Variants in LRRC4C observed in about 807,000 individuals in gnomAD.
LRRC4C encodes leucine-rich repeat-containing protein 4C.
In LRRC4C, 5 loss-of-function variants were observed where a neutral mutation model predicts 33.6. The ratio of observed to expected loss-of-function variants is 0.15; its 90% CI spans 0.08 to 0.31. The LOEUF (loss-of-function observed/expected upper bound fraction) is 0.31. LRRC4C is among the 10% of genes least tolerant of loss of function. The probability of loss-of-function intolerance (pLI) is 1.00; values close to 1 mark genes in which losing one functional copy is unlikely to be tolerated. For synonymous variants in LRRC4C, 329 were observed against 302.0 expected (o/e 1.09, Z -0.93); for missense variants, 560 against 796.7 (o/e 0.70, Z 3.58).
chr11:41,156,956 T>C (rs1366392106), intron 1 of LRRC4C, among the ~76,000 whole-genome samples: 1 of 152,082 alleles, frequency 6.6e-6, no homozygotes, highest in Non-Finnish European at 1.5e-5. Flanking sequence ...ACTTCATGAA[T>C]GGATTAATGC....
chr11:41,456,521 C>G (rs1216492997), intron 1 of LRRC4C, among the ~76,000 whole-genome samples: 1 of 152,124 alleles, frequency 6.6e-6, no homozygotes, highest in Non-Finnish European at 1.5e-5. Context: ...CCTTGTCTGA[C>G]TTTAGCAGAG....
chr11:41,282,012 G>A (rs1949692195), intron 1 of LRRC4C, among the ~76,000 whole-genome samples: 1 of 152,268 alleles, frequency 6.6e-6, no homozygotes, highest in Non-Finnish European at 1.5e-5. Context: ...TGGTGGATGT[G>A]TGATGTGTGG....
chr11:40,410,025 A>C (rs566388821), intron 3 of LRRC4C, among the ~76,000 whole-genome samples: 2 of 152,242 alleles, frequency 1.3e-5, no homozygotes, highest in South Asian at 4.1e-4. Flanking sequence ...TAGTGTCTAC[A>C]AATAAAGTTT....
At chr11:41,153,661 T>C (rs1944099752) in intron 1 of LRRC4C, among the ~76,000 whole-genome samples, 1 of 152,192 alleles carries the variant, frequency 6.6e-6, no homozygotes. Flanking sequence ...CTATTTTTCT[T>C]ATGAATATCC....
intron 2 of LRRC4C, among the ~76,000 whole-genome samples, chr11:40,901,980 A>ATC (rs140194267): frequency 4.1e-4 from 50 of 122,560 alleles, no homozygotes; most frequent in Middle Eastern, 8.5e-3. Flanking sequence ...AGAAAAGACA[A>ATC]TCTCTCTCTC....
intron 4 of LRRC4C, among the ~76,000 whole-genome samples, chr11:40,245,480 A>G (rs988489935): frequency 1.3e-5 from 2 of 152,214 alleles, no homozygotes; most frequent in African/African-American, 2.4e-5. Flanking sequence ...CAGAATCTGT[A>G]CTAGTCAATG....
At chr11:40,876,657 C>A (rs959581535) in intron 2 of LRRC4C, among the ~76,000 whole-genome samples, 1 of 151,974 alleles carries the variant, frequency 6.6e-6, no homozygotes, top group Non-Finnish European at 1.5e-5. Flanking sequence ...GTAATCCCAG[C>A]ACTTTGGGAG....
chr11:41,178,650 C>T (rs1187096092), intron 1 of LRRC4C, among the ~76,000 whole-genome samples: 1 of 152,146 alleles, frequency 6.6e-6, no homozygotes, highest in Non-Finnish European at 1.5e-5. Flanking sequence ...AACCACGTTG[C>T]CTAGCCCCAG....
chr11:40,577,565 G>A (rs181281673), intron 3 of LRRC4C, among the ~76,000 whole-genome samples: 26 of 152,270 alleles, frequency 1.7e-4, no homozygotes, highest in African/African-American at 6.0e-4. Context: ...TTGCCTCTCA[G>A]AAGAGATTTG....
intron 3 of LRRC4C, among the ~76,000 whole-genome samples, chr11:40,539,074 C>A (rs917332433): frequency 6.6e-6 from 1 of 152,148 alleles, no homozygotes; most frequent in East Asian, 1.9e-4. Context: ...ATTTCATCCT[C>A]TGCCCAACAG....
At chr11:41,004,903 G>A (rs940125978) in intron 1 of LRRC4C, among the ~76,000 whole-genome samples, 3 of 152,082 alleles carry the variant, frequency 2.0e-5, no homozygotes, top group African/African-American at 4.8e-5. Context: ...AACTATCATG[G>A]ATGCTAAAAG....
chr11:40,475,684 T>C (rs1265863254), intron 3 of LRRC4C, among the ~76,000 whole-genome samples: 2 of 152,154 alleles, frequency 1.3e-5, no homozygotes, highest in African/African-American at 2.4e-5. Context: ...GGGGGAGCAT[T>C]AGAGTCCTGT....
intron 1 of LRRC4C, among the ~76,000 whole-genome samples, chr11:41,405,055 T>C (rs1442240709): frequency 6.6e-6 from 1 of 152,150 alleles, no homozygotes; most frequent in African/African-American, 2.4e-5. Flanking sequence ...TTTGCTTTAT[T>C]GTTACCTAAA....
intron 1 of LRRC4C, among the ~76,000 whole-genome samples, chr11:41,077,405 G>T (rs1484757053): frequency 1.3e-5 from 2 of 152,172 alleles, no homozygotes; most frequent in Admixed American, 6.5e-5. Flanking sequence ...CTAGGTGGAG[G>T]TTCCCAAACC....
chr11:40,774,919 A>G (rs1305483926), intron 2 of LRRC4C, among the ~76,000 whole-genome samples: 2 of 152,074 alleles, frequency 1.3e-5, no homozygotes, highest in African/African-American at 4.8e-5. Flanking sequence ...GTGCACAAAT[A>G]ATTATCTGCT....
chr11:40,463,370 G>T (rs530792734), intron 3 of LRRC4C, among the ~76,000 whole-genome samples: 2 of 150,816 alleles, frequency 1.3e-5, no homozygotes, highest in African/African-American at 2.4e-5. Flanking sequence ...ATGGCAGCAG[G>T]ATGTTGTGAC....
chr11:40,358,295 C>G (rs1947774475), intron 3 of LRRC4C, among the ~76,000 whole-genome samples: 1 of 151,980 alleles, frequency 6.6e-6, no homozygotes, highest in Non-Finnish European at 1.5e-5. Flanking sequence ...TTTTTTGAGA[C>G]AGGGTCTCAC....
intron 4 of LRRC4C, among the ~76,000 whole-genome samples, chr11:40,253,398 G>A (rs1866942635): frequency 6.6e-6 from 1 of 152,086 alleles, no homozygotes; most frequent in South Asian, 2.1e-4. Flanking sequence ...ATAAAAAGCT[G>A]GTATAAAAAC....
intron 3 of LRRC4C, among the ~76,000 whole-genome samples, chr11:40,435,987 C>A (rs1951123250): frequency 6.6e-6 from 1 of 152,152 alleles, no homozygotes; most frequent in African/African-American, 2.4e-5. Context: ...TGATAATTTG[C>A]TCCTTTTGTT....
Sources: allele counts gnomAD v4.1 joint callset (sites outside exome capture counted in the v4.1 genomes callset), GRCh38; gene constraint gnomAD v4.1.1; transcripts MANE v1.5; gene names NCBI Gene and HGNC (gene_info 2026-07-23, HGNC 2026-07-21).